The following ENTREP2 variants were observed in gnomAD, a reference collection of about 807,000 sequenced individuals.
The protein encoded by ENTREP2 is endosomal transmembrane epsin interactor 2, also known as protein ENTREP2.
chr15:29,237,431 C>G, the ENTREP2 span, among the ~76,000 whole-genome samples: 1 of 152,004 alleles, frequency 6.6e-6, no homozygotes, highest in Admixed American at 6.6e-5. Context: ...CATTTTTTCT[C>G]CTATGTTTTT....
chr15:29,592,536 G>C, the ENTREP2 span, among the ~76,000 whole-genome samples: 1 of 110,436 alleles, frequency 9.1e-6, no homozygotes, highest in African/African-American at 4.4e-5. Context: ...ATCCATTTGC[G>C]GGGGGCGGAG....
At chr15:29,438,560 C>T in the ENTREP2 span, among the ~76,000 whole-genome samples, 4 of 151,990 alleles carry the variant, frequency 2.6e-5, no homozygotes, top group African/African-American at 9.7e-5. Flanking sequence ...TGAGGCCAGC[C>T]CATGAAGACA....
the ENTREP2 span, among the ~76,000 whole-genome samples, chr15:29,412,176 A>T: frequency 6.6e-6 from 1 of 152,138 alleles, no homozygotes; most frequent in African/African-American, 2.4e-5. Context: ...CCATCTTCAC[A>T]GTATTGAGTT....
the ENTREP2 span, among the ~76,000 whole-genome samples, chr15:29,310,627 T>A: frequency 6.6e-6 from 1 of 152,060 alleles, no homozygotes; most frequent in Non-Finnish European, 1.5e-5. Flanking sequence ...CAGGGAAGAA[T>A]TGTCCGGGCC....
At chr15:29,137,491 G>A in the ENTREP2 span, among the ~76,000 whole-genome samples, 1 of 152,158 alleles carries the variant, frequency 6.6e-6, no homozygotes, top group Non-Finnish European at 1.5e-5. Flanking sequence ...CCCCTCTGAT[G>A]ACAGTACTCA....
At chr15:29,367,303 C>T in the ENTREP2 span, among the ~76,000 whole-genome samples, 1 of 152,128 alleles carries the variant, frequency 6.6e-6, no homozygotes, top group African/African-American at 2.4e-5. Context: ...TTCCAAAGTC[C>T]CATTCCCAAA....
chr15:29,235,612 T>C, the ENTREP2 span, among the ~76,000 whole-genome samples: 2 of 152,280 alleles, frequency 1.3e-5, no homozygotes, highest in Admixed American at 1.3e-4. Context: ...ACTAGATGCT[T>C]ACATAAGAAA....
the ENTREP2 span, among the ~76,000 whole-genome samples, chr15:29,606,840 T>A: frequency 6.6e-6 from 1 of 152,030 alleles, no homozygotes; most frequent in African/African-American, 2.4e-5. Flanking sequence ...TTTCTTTCTT[T>A]CTTTTTTGAG....
the ENTREP2 span, among the ~76,000 whole-genome samples, chr15:29,294,769 G>A: frequency 2.6e-5 from 4 of 152,230 alleles, no homozygotes; most frequent in Non-Finnish European, 4.4e-5. Flanking sequence ...TCCACAAGGA[G>A]ATTGAATGTG....
At chr15:29,132,586 G>C in the ENTREP2 span, among the ~76,000 whole-genome samples, 1 of 152,254 alleles carries the variant, frequency 6.6e-6, no homozygotes, top group Non-Finnish European at 1.5e-5. Flanking sequence ...TTCTGAGAAA[G>C]AGATCTCAAC....
At chr15:29,138,605 G>A in the ENTREP2 span, among the ~76,000 whole-genome samples, 1 of 109,508 alleles carries the variant, frequency 9.1e-6, no homozygotes, top group Admixed American at 8.6e-5. Context: ...ATATGTATGT[G>A]TGTGTTTGTA....
chr15:29,344,931 GACAC>G, the ENTREP2 span, among the ~76,000 whole-genome samples: 22,582 of 142,458 alleles, frequency 0.16, 1,915 homozygotes, highest in East Asian at 0.26. Context: ...CACGCGCGCA[GACAC>G]ACACACACAC....
the ENTREP2 span, among the ~76,000 whole-genome samples, chr15:29,519,140 T>TTCTCTC: frequency 2.7e-4 from 41 of 149,470 alleles, no homozygotes; most frequent in African/African-American, 9.8e-4. Context: ...ATACACCTCT[T>TTCTCTC]TCTCTCTCTC....
At chr15:29,396,207 A>G in the ENTREP2 span, among the ~76,000 whole-genome samples, 3 of 152,134 alleles carry the variant, frequency 2.0e-5, no homozygotes, top group Non-Finnish European at 4.4e-5. Context: ...ACGTCTCCAG[A>G]ATGTATTTCT....
At chr15:29,656,541 G>A in the ENTREP2 span, among the ~76,000 whole-genome samples, 1 of 152,184 alleles carries the variant, frequency 6.6e-6, no homozygotes, top group African/African-American at 2.4e-5. Context: ...AATTTTTAAA[G>A]TAGAAGAATT....
At chr15:29,119,651 T>TAA in the ENTREP2 span, among the ~76,000 whole-genome samples, 2 of 2,742 alleles carry the variant, frequency 7.3e-4, 1 homozygote. Flanking sequence ...AATAAAATAA[T>TAA]AAAATAATTC....
the ENTREP2 span, among the ~76,000 whole-genome samples, chr15:29,405,785 G>A: frequency 3.3e-5 from 5 of 152,336 alleles, no homozygotes; most frequent in Admixed American, 2.0e-4. Context: ...CTGTCGGCAC[G>A]CACAAGGTTG....
At chr15:29,370,931 A>C in the ENTREP2 span, among the ~76,000 whole-genome samples, 1 of 152,148 alleles carries the variant, frequency 6.6e-6, no homozygotes, top group Non-Finnish European at 1.5e-5. Context: ...TTAAAAAAAA[A>C]ACTATCCCAG....
At chr15:29,674,139 G>C in the ENTREP2 span, among the ~76,000 whole-genome samples, 4 of 149,898 alleles carry the variant, frequency 2.7e-5, 1 homozygote, top group Admixed American at 1.3e-4. Context: ...GGGGGGGGGG[G>C]GGGGCTTTGC....
Sources: allele counts gnomAD v4.1 joint callset (sites outside exome capture counted in the v4.1 genomes callset), GRCh38; gene constraint gnomAD v4.1.1; transcripts MANE v1.5; gene names NCBI Gene and HGNC (gene_info 2026-07-23, HGNC 2026-07-21).